CCT6B: variants seen among roughly 807,000 people sequenced by gnomAD.
CCT6B encodes the protein chaperonin containing TCP1 subunit 6B, also known as probable T-complex protein 1 subunit zeta-2.
In CCT6B, 49 loss-of-function variants were observed where a neutral mutation model predicts 61.5. The ratio of observed to expected loss-of-function variants is 0.80; its 90% CI spans 0.63 to 1.01. CCT6B has a LOEUF of 1.01. Ranked by LOEUF, CCT6B falls within the 50% of genes least tolerant of loss-of-function variation. CCT6B has a pLI of 0.00. For synonymous variants in CCT6B, 228 were observed against 214.5 expected, an observed-to-expected ratio of 1.06 and a Z score of -0.55; for missense variants, 666 against 634.7, an observed-to-expected ratio of 1.05 and a Z score of -0.53.
At chr17:34,958,460 T>C (rs1480082728) in intron 3 of CCT6B, 100 bp downstream of exon 3, 2 of 633,184 alleles carry the variant, frequency 3.2e-6, no homozygotes, top group African/African-American at 1.9e-5. Context: ...AATTAATTAA[T>C]TAATTAAAAC....
chr17:34,939,131 A>C, intron 10 of CCT6B, 52 bp downstream of exon 10: 3 of 1,402,436 alleles, frequency 2.1e-6, no homozygotes, highest in Non-Finnish European at 2.0e-6. Context: ...ATATATATAC[A>C]TATATACACA....
intron 3 of CCT6B, 81 bp from the exon 4 acceptor site, chr17:34,954,680 C>T: frequency 1.7e-6 from 2 of 1,163,754 alleles, no homozygotes; most frequent in Non-Finnish European, 2.4e-6. Flanking sequence ...TTATTATGTT[C>T]AAAAAAAGTT....
At chr17:34,931,514 CA>C (rs2090036047) in intron 11 of CCT6B, among the ~76,000 whole-genome samples, 1 of 152,086 alleles carries the variant, frequency 6.6e-6, no homozygotes, top group Admixed American at 6.5e-5. Flanking sequence ...CCTGTGGTAA[CA>C]GGGTTGGAGA....
intron 5 of CCT6B, among the ~76,000 whole-genome samples, chr17:34,945,072 C>T (rs1326320839): frequency 6.6e-6 from 1 of 152,224 alleles, no homozygotes; most frequent in African/African-American, 2.4e-5. Flanking sequence ...GGACACCACT[C>T]TCCCTTGGCT....
At chr17:34,959,526 T>C (rs959384789) in intron 2 of CCT6B, 61 bp downstream of exon 2, 4 of 1,181,742 alleles carry the variant, frequency 3.4e-6, no homozygotes, top group Non-Finnish European at 5.1e-6. Flanking sequence ...GATACACAAG[T>C]TCTACTATGC....
chr17:34,961,189 G>T, intron 1 of CCT6B, 68 bp downstream of exon 1: 2 of 1,524,166 alleles, frequency 1.3e-6, no homozygotes, highest in Non-Finnish European at 8.8e-7. Context: ...GCGGACGCCT[G>T]CCTCAGAGGG....
intron 2 of CCT6B, among the ~76,000 whole-genome samples, chr17:34,959,264 T>C (rs1449445603): frequency 2.0e-5 from 3 of 150,612 alleles, no homozygotes; most frequent in Non-Finnish European, 3.0e-5. Context: ...GCTGGGACTA[T>C]AGGCGTATGT....
At chr17:34,946,813 C>T (rs779832909) in intron 5 of CCT6B, among the ~76,000 whole-genome samples, 3 of 152,148 alleles carry the variant, frequency 2.0e-5, no homozygotes, top group African/African-American at 4.8e-5. Context: ...GAGTACCTAC[C>T]TTATGATTCC....
chr17:34,948,283 T>C (rs1258582064), intron 5 of CCT6B, among the ~76,000 whole-genome samples: 3 of 152,138 alleles, frequency 2.0e-5, no homozygotes, highest in Admixed American at 6.5e-5. Context: ...GTATTAAATA[T>C]AAAGGATTAA....
chr17:34,929,571 T>C (rs922779393), intron 12 of CCT6B, among the ~76,000 whole-genome samples: 19 of 150,524 alleles, frequency 1.3e-4, no homozygotes, highest in Non-Finnish European at 2.5e-4. Context: ...TGGAGTGCAG[T>C]GGTGCCATCT....
intron 5 of CCT6B, among the ~76,000 whole-genome samples, chr17:34,947,489 A>C (rs2090237317): frequency 6.6e-6 from 1 of 152,254 alleles, no homozygotes; most frequent in Non-Finnish European, 1.5e-5. Context: ...GCAACAGAAC[A>C]ATATCTTCAA....
At chr17:34,944,034 A>G (rs1172230732) in intron 5 of CCT6B, 1 of 152,084 alleles carries the variant, frequency 6.6e-6, no homozygotes, top group Admixed American at 6.6e-5. Flanking sequence ...TTTTTAAACT[A>G]TTTTAGTTCA....
chr17:34,959,120 AAAC>A (rs889034040), intron 2 of CCT6B, among the ~76,000 whole-genome samples: 2 of 126,384 alleles, frequency 1.6e-5, no homozygotes, highest in African/African-American at 2.8e-5. Flanking sequence ...CCAAAAAAAA[AAAC>A]TTTTTTTTTT....
At chr17:34,949,273 T>C (rs1351441810) in intron 5 of CCT6B, among the ~76,000 whole-genome samples, 1 of 151,242 alleles carries the variant, frequency 6.6e-6, no homozygotes, top group East Asian at 1.9e-4. Flanking sequence ...CGGACCAACA[T>C]GGAGAAACCC....
chr17:34,961,345 G>C lies in CCT6B; in HGVS notation c.49C>G (p.Arg17Gly). 1.2e-6 allele frequency: 2 copies of C among 1,612,196 alleles called. No individual in the cohort carries two copies. Among genetic ancestry groups the C allele is most frequent in the Non-Finnish European group, 1.7e-6 (2 of 1,179,882 alleles). The stretch of plus-strand genomic sequence containing the variant: ...CATATATTGACAGCCAAAGCTGCCC[G>C]GGCCCGCGCCACCTCAGCCTTGGAG... ...VNSKAEVARA[R>G]AALAVNICAA... The change falls in exon 1 of 14, where the codon CGG (arginine) becomes GGG (glycine). Residue 17 changes from arginine to glycine, a missense_variant. Physicochemically the swap from Arg to Gly is moderately radical, Grantham distance 125 (BLOSUM62 -2). Transcript: ENST00000314144.
At chr17:34,952,695 G>A (rs993904922) in intron 4 of CCT6B, among the ~76,000 whole-genome samples, 2 of 152,074 alleles carry the variant, frequency 1.3e-5, no homozygotes, top group Non-Finnish European at 2.9e-5. Context: ...AGCACAACAC[G>A]TCTTATTGCT....
At position 34,961,421 on chromosome 17, in the gene CCT6B, A is replaced by T. The variant is rs1396629346; in HGVS notation, c.-28T>A. On this transcript the variant is annotated 5_prime_UTR_variant, in exon 1 of 14. Transcript: ENST00000314144. The stretch of plus-strand genomic sequence containing the variant: ...CCTAACCGTTCAGAGGGAGAAAAAA[A>T]AAAAGCCTTAGTCGCGATTCTGAGC... 6.4e-7 allele frequency: 1 copy of T among 1,567,820 alleles called. No individual in the cohort carries two copies. The highest frequency in any genetic ancestry group is 2.2e-5 in the East Asian group (1 of 44,530).
Position 34,927,941 on chromosome 17 carries a change from T to C in CCT6B, c.*107A>G. 1.5e-6 allele frequency: 1 copy of C among 673,502 alleles called. No individual in the cohort carries two copies. The highest frequency in any genetic ancestry group is 2.5e-6 in the Non-Finnish European group (1 of 403,838). The allele number at this position is 673,502 out of a possible 1,614,324, so 41.7% of individuals were successfully genotyped here. A position where few individuals can be genotyped will look rare whatever the true frequency, so the allele number is the denominator to read the frequency against. ...CTATTAAGACCCAAAAGACATAAAC[T>C]GCATTTATTGTGTAGAAATTCAGAA... On this transcript the variant is annotated 3_prime_UTR_variant, in exon 14 of 14. Transcript: ENST00000314144.
intron 11 of CCT6B, among the ~76,000 whole-genome samples, 190 bp downstream of exon 11, chr17:34,932,177 C>A (rs931076305): frequency 6.6e-6 from 1 of 152,114 alleles, no homozygotes; most frequent in African/African-American, 2.4e-5. Context: ...TTCATGAGAT[C>A]GTGCAAGGAT....
Sources: gnomAD v4.1 joint callset for allele counts (sites outside exome capture counted in the v4.1 genomes callset) on GRCh38, gnomAD v4.1.1 for gene constraint, MANE v1.5 for transcripts, NCBI Gene and HGNC (gene_info 2026-07-23, HGNC 2026-07-21) for gene names.